CHRNB3: variants seen among roughly 807,000 people sequenced by gnomAD.
CHRNB3 encodes cholinergic receptor nicotinic beta 3 subunit.
A neutral mutation model predicts 40.6 loss-of-function variants in CHRNB3; 37 were observed. The ratio of observed to expected loss-of-function variants is 0.91; its 90% CI spans 0.70 to 1.20. The LOEUF (loss-of-function observed/expected upper bound fraction) is 1.20, where lower values mean the gene tolerates loss of function less well. Among genes scored for constraint, CHRNB3 ranks in the 50% most tolerant of loss-of-function variants. The probability of loss-of-function intolerance (pLI) is 0.00; values close to 1 mark genes in which losing one functional copy is unlikely to be tolerated. For missense variants in CHRNB3, 505 were observed against 551.2 expected (o/e 0.92, Z 0.84); for synonymous variants, 207 against 207.1 (o/e 1.00, Z 0.00).
chr8:42,730,875 C>G (rs539151227), intron 4 of CHRNB3, among the ~76,000 whole-genome samples, 172 bp downstream of exon 4: 2 of 137,450 alleles, frequency 1.5e-5, no homozygotes, highest in Non-Finnish European at 3.1e-5. Context: ...GGTGAAACCC[C>G]GTCTCTACTA....
In CHRNB3 at chr8:42,732,417, C is replaced by T. The variant is rs760015173; in HGVS notation, c.1110C>T (p.Gly370=). 6.2e-7 allele frequency: 1 copy of T among 1,613,896 alleles called. No homozygotes were observed. The change falls in exon 5 of 6, where the codon GGC becomes GGT. Residue 370 remains glycine, a synonymous_variant. Coordinates refer to ENST00000289957, the MANE Select transcript of CHRNB3 (RefSeq NM_000749.5). ...EKEESQPVVK[G]KVLEKKKQKQ... ...AGGAGAGTCAACCAGTAGTGAAAGG[C>T]AAAGTCCTCGAAAAAAAGAAACAGA... is the stretch of plus-strand genomic sequence containing the variant.
At chr8:42,712,793 G>T (rs1159487051) in intron 3 of CHRNB3, among the ~76,000 whole-genome samples, 5 of 149,242 alleles carry the variant, frequency 3.4e-5, no homozygotes, top group Admixed American at 6.7e-5. Context: ...AGGCTTAGAA[G>T]TTAACAAAAA....
chr8:42,723,800 T>C (rs1816259210), intron 3 of CHRNB3, among the ~76,000 whole-genome samples: 1 of 152,160 alleles, frequency 6.6e-6, no homozygotes, highest in African/African-American at 2.4e-5. Flanking sequence ...TTTATTATAT[T>C]TTAGTCCGGT....
At chr8:42,725,142 T>G in intron 3 of CHRNB3, among the ~76,000 whole-genome samples, 1 of 147,270 alleles carries the variant, frequency 6.8e-6, no homozygotes, top group African/African-American at 2.5e-5. Flanking sequence ...CAGGCTGGAG[T>G]GCAATGGCGC....
At chr8:42,713,199 T>G (rs1185810272) in intron 3 of CHRNB3, among the ~76,000 whole-genome samples, 1 of 152,024 alleles carries the variant, frequency 6.6e-6, no homozygotes, top group Non-Finnish European at 1.5e-5. Context: ...GGCCTTCACA[T>G]GGGTATAGTA....
At chr8:42,698,338 C>T (rs1041176884) in intron 1 of CHRNB3, among the ~76,000 whole-genome samples, 3 of 152,178 alleles carry the variant, frequency 2.0e-5, no homozygotes, top group African/African-American at 7.2e-5. Context: ...AACTTGAGAA[C>T]AGAAAGTTTT....
intron 3 of CHRNB3, among the ~76,000 whole-genome samples, chr8:42,720,111 CTTTTTTTTTTTT>C (rs869178430): frequency 3.5e-4 from 17 of 48,806 alleles, no homozygotes; most frequent in Admixed American, 7.2e-4. Context: ...CAGAAGCCTT[CTTTTTTTTTTTT>C]TTTTTTTTTT....
chr8:42,700,224 C>G (rs943490607), intron 1 of CHRNB3, among the ~76,000 whole-genome samples: 5 of 152,064 alleles, frequency 3.3e-5, no homozygotes, highest in African/African-American at 1.2e-4. Context: ...ACCGTGTTAG[C>G]CAGGATGGTC....
At chr8:42,734,655 G>C (rs1341147049) in intron 5 of CHRNB3, among the ~76,000 whole-genome samples, 1 of 151,590 alleles carries the variant, frequency 6.6e-6, no homozygotes, top group East Asian at 2.0e-4. Flanking sequence ...TCCTGACCTC[G>C]TGATCCGCCC....
At chr8:42,708,187 C>G (rs1480114299) in intron 1 of CHRNB3, among the ~76,000 whole-genome samples, 1 of 152,126 alleles carries the variant, frequency 6.6e-6, no homozygotes, top group Non-Finnish European at 1.5e-5. Context: ...GGATTCTGGG[C>G]CGGGCGTGGT....
At position 42,732,107 on chromosome 8, in the gene CHRNB3, T is replaced by G; in HGVS notation, c.800T>G (p.Leu267Ter). ...TCGGATGAAGGAGAAAAACTTTCAT[T>G]ATCCACATCGGTCTTGGTTTCTCTG... ...LPSDEGEKLS[L>*]STSVLVSLTV... is the part of the protein sequence containing the mutation. The change falls in exon 5 of 6, where the codon TTA (leucine) becomes TGA (stop). Residue 267 changes from leucine (L) to a stop codon, truncating the protein, a stop_gained. Transcript: ENST00000289957. LOFTEE classifies it high-confidence loss of function. 2.5e-6 allele frequency: 4 copies of G among 1,614,062 alleles called. No homozygotes were observed. The highest frequency in any genetic ancestry group is 3.4e-6 in the Non-Finnish European group (4 of 1,180,002).
chr8:42,706,719 G>A (rs540668942), intron 1 of CHRNB3, among the ~76,000 whole-genome samples: 1 of 152,186 alleles, frequency 6.6e-6, no homozygotes, highest in Admixed American at 6.5e-5. Context: ...TCCCAGTGCT[G>A]CTCTTGGTAC....
chr8:42,735,341 C>T (rs1816505149), intron 5 of CHRNB3, among the ~76,000 whole-genome samples: 2 of 152,152 alleles, frequency 1.3e-5, no homozygotes, highest in Admixed American at 1.3e-4. Context: ...AGCTCGAGAC[C>T]AGCCTGGCTA....
At chr8:42,705,067 C>A (rs1306256280) in intron 1 of CHRNB3, among the ~76,000 whole-genome samples, 1 of 152,164 alleles carries the variant, frequency 6.6e-6, no homozygotes, top group Non-Finnish European at 1.5e-5. Context: ...GTGGCCAAAT[C>A]TCCAGTTTCA....
chr8:42,735,974 T>G (rs962886997), intron 5 of CHRNB3, among the ~76,000 whole-genome samples: 5 of 152,204 alleles, frequency 3.3e-5, no homozygotes, highest in African/African-American at 1.2e-4. Flanking sequence ...CAAGCAATTC[T>G]CCTGCCTCAG....
At chr8:42,720,360 C>T (rs77008058) in intron 3 of CHRNB3, among the ~76,000 whole-genome samples, 8,660 of 151,714 alleles carry the variant, frequency 0.057, 326 homozygotes, top group Middle Eastern at 0.11. Flanking sequence ...GTGATCTGCC[C>T]GCCTTGGCCT....
chr8:42,730,855 T>C lies in CHRNB3; in HGVS notation c.359+152T>C, dbSNP rs973349378. 7 of 391,884 alleles carry C rather than the reference T, an allele frequency of 1.8e-5. No individual in the cohort carries two copies. In the Admixed American group the frequency reaches 2.1e-4, roughly 12 times the overall value. 24.3% of individuals were successfully genotyped at this position (391,884 alleles called of 1,614,324 possible). On this transcript the variant is annotated intron_variant, in intron 4 of 5. Transcript: ENST00000289957. Reference sequence around the variant, plus strand: ...TGAGGTCAGGAGATCGAGACCATCCTGGCTAACAAGGTGAAACCCCGTCTC... The same window carrying C: ...TGAGGTCAGGAGATCGAGACCATCCCGGCTAACAAGGTGAAACCCCGTCTC...
chr8:42,722,020 G>A (rs1816225076), intron 3 of CHRNB3: 1 of 152,084 alleles, frequency 6.6e-6, no homozygotes, highest in South Asian at 2.1e-4. Context: ...TGAATTCAAG[G>A]CAACAGACAT....
intron 3 of CHRNB3, among the ~76,000 whole-genome samples, chr8:42,723,197 A>G (rs1816251051): frequency 6.6e-6 from 1 of 152,110 alleles, no homozygotes; most frequent in African/African-American, 2.4e-5. Flanking sequence ...TAGCAATAAG[A>G]TATCGTATTA....
Sources: allele counts gnomAD v4.1 joint callset (sites outside exome capture counted in the v4.1 genomes callset), GRCh38; gene constraint gnomAD v4.1.1; transcripts MANE v1.5; gene names NCBI Gene and HGNC (gene_info 2026-07-23, HGNC 2026-07-21).